Variants in JAZF1 observed in about 807,000 individuals in gnomAD.
The protein encoded by JAZF1 is juxtaposed with another zinc finger protein 1.
In JAZF1, 8 loss-of-function variants were observed where a neutral mutation model predicts 26.4. The observed-to-expected ratio is 0.30, with a 90% CI of 0.18 to 0.55. The LOEUF (loss-of-function observed/expected upper bound fraction) is 0.55. JAZF1 is among the 20% of genes least tolerant of loss of function. JAZF1 has a pLI of 0.94. For missense variants in JAZF1, 199 were observed against 322.0 expected (o/e 0.62, Z 2.92); for synonymous variants, 126 against 122.3 (o/e 1.03, Z -0.20).
intron 2 of JAZF1, among the ~76,000 whole-genome samples, chr7:27,902,192 T>C (rs1562524118): frequency 6.6e-6 from 1 of 152,246 alleles, no homozygotes; most frequent in Admixed American, 6.5e-5. Context: ...CAGACCCTAA[T>C]GGGGGTATTA....
chr7:27,955,321 A>G (rs1583479255), intron 2 of JAZF1, among the ~76,000 whole-genome samples: 1 of 152,282 alleles, frequency 6.6e-6, no homozygotes, highest in Non-Finnish European at 1.5e-5. Context: ...AATTTATATC[A>G]TTTCATTTAC....
In JAZF1 at chr7:28,097,014, G is replaced by T. The variant is rs564133716; in HGVS notation, c.115+83449C>A. 6.6e-5 allele frequency among the ~76,000 whole-genome samples: 10 copies of T among 152,164 alleles called. No individual in the cohort carries two copies. The South Asian group carries it at 1.9e-3, about 28-fold the overall frequency. ...TCCTAATGAAAAGGGCACATGTGTA[G>T]AAAGAAATGGTGCCAAATCACACCT... On this transcript the variant is annotated intron_variant, in intron 1 of 4. Coordinates refer to ENST00000283928, the MANE Select transcript of JAZF1 (RefSeq NM_175061.4).
At chr7:28,006,296 G>A (rs903255715) in intron 1 of JAZF1, among the ~76,000 whole-genome samples, 2 of 152,034 alleles carry the variant, frequency 1.3e-5, no homozygotes, top group African/African-American at 4.8e-5. Context: ...TTAAACCTGG[G>A]AAGCGGAGGT....
chr7:28,031,026 A>C (rs1041792073), intron 1 of JAZF1, among the ~76,000 whole-genome samples: 1 of 152,200 alleles, frequency 6.6e-6, no homozygotes, highest in East Asian at 1.9e-4. Context: ...CAATTACCTA[A>C]CTACCTATTC....
chr7:27,935,185 A>G (rs1784747179), intron 2 of JAZF1, among the ~76,000 whole-genome samples: 1 of 152,238 alleles, frequency 6.6e-6, no homozygotes, highest in African/African-American at 2.4e-5. Context: ...GTTATAATCA[A>G]ACAGACAATA....
intron 1 of JAZF1, among the ~76,000 whole-genome samples, chr7:28,145,333 C>T (rs1256286260): frequency 1.3e-5 from 2 of 152,122 alleles, no homozygotes; most frequent in Non-Finnish European, 2.9e-5. Flanking sequence ...GGTCATGCCT[C>T]CCAAAATACT....
chr7:27,905,720 C>T lies in JAZF1; in HGVS notation c.189-10304G>A, dbSNP rs117682139. Reference sequence around the variant, plus strand: ...TTGCCATGTATACCTTATCTAACTACCATCTATCATCACCAGCCTCTAATT... The same window carrying T: ...TTGCCATGTATACCTTATCTAACTATCATCTATCATCACCAGCCTCTAATT... On this transcript the variant is annotated intron_variant, in intron 2 of 4. Transcript: ENST00000283928. Among the ~76,000 whole-genome samples, 732 of 151,956 alleles carry T rather than the reference C, an allele frequency of 4.8e-3. 5 individuals carry two copies. The highest frequency in any genetic ancestry group is 7.2e-3 in the Non-Finnish European group (490 of 67,942).
intron 1 of JAZF1, among the ~76,000 whole-genome samples, chr7:28,100,710 A>G (rs1784459258): frequency 6.6e-6 from 1 of 152,198 alleles, no homozygotes; most frequent in South Asian, 2.1e-4. Context: ...AGGAAAAGAA[A>G]ACAGAATCAC....
At chr7:27,880,738 C>T (rs539822032) in intron 3 of JAZF1, among the ~76,000 whole-genome samples, 1 of 152,312 alleles carries the variant, frequency 6.6e-6, no homozygotes, top group East Asian at 1.9e-4. Flanking sequence ...AATCTAGGCT[C>T]ACTGCAGCCT....
chr7:28,137,898 T>C (rs769459880), intron 1 of JAZF1, among the ~76,000 whole-genome samples: 1 of 152,160 alleles, frequency 6.6e-6, no homozygotes, highest in Admixed American at 6.5e-5. Context: ...TATGGGTAGA[T>C]ACAATTAATT....
At chr7:27,968,305 C>G (rs1233062934) in intron 2 of JAZF1, among the ~76,000 whole-genome samples, 1 of 152,048 alleles carries the variant, frequency 6.6e-6, no homozygotes, top group Non-Finnish European at 1.5e-5. Context: ...ACATAATAAA[C>G]TTATTAACAG....
rs191500697 is a variant in JAZF1 at position 27,831,446 on chromosome 7, A to G, written c.*1354T>C. On this transcript the variant is annotated 3_prime_UTR_variant, in exon 5 of 5. Transcript: ENST00000283928. ...ACTGGTAAACTCTCGTGTTTAAGGA[A>G]TAGCACTTGGGAGAAAAGAACACTC... The G allele has an allele frequency of 4.4e-6, 1 of 229,136 alleles. No homozygotes were observed. Among genetic ancestry groups the G allele is most frequent in the African/African-American group, 2.2e-5 (1 of 45,202 alleles). The allele number at this position is 229,136 out of a possible 1,614,324, so 14.2% of individuals were successfully genotyped here.
chr7:27,985,591 T>A lies in JAZF1; in HGVS notation c.188+6318A>T, dbSNP rs184180332. Among the ~76,000 whole-genome samples, 1,084 of 152,314 alleles carry A rather than the reference T, an allele frequency of 7.1e-3. 18 individuals are homozygous for A. The highest frequency in any genetic ancestry group is 0.025 in the African/African-American group (1,035 of 41,558). On this transcript the variant is annotated intron_variant, in intron 2 of 4. Coordinates refer to ENST00000283928, the MANE Select transcript of JAZF1 (RefSeq NM_175061.4). ...CAATAGAAAAAGAGGGAATCCTCCC[T>A]AATTCATTTTATGAGGCCAGCATCA...
At chr7:27,848,009 T>C (rs1298873291) in intron 3 of JAZF1, among the ~76,000 whole-genome samples, 1 of 152,212 alleles carries the variant, frequency 6.6e-6, no homozygotes, top group Admixed American at 6.5e-5. Flanking sequence ...CCTCCAACTT[T>C]ACTTTTTCTT....
Position 28,173,949 on chromosome 7 carries a change from G to A in JAZF1, c.115+6514C>T, listed in dbSNP as rs114720898. Among the ~76,000 whole-genome samples, 680 of 150,680 alleles carry A rather than the reference G, an allele frequency of 4.5e-3. 5 individuals are homozygous for A. The highest frequency in any genetic ancestry group is 0.016 in the African/African-American group (654 of 41,014). ...CAACATTCCAGTGCTTACAGCGAGG[G>A]GAAAATACAATTTTCTTTACAGCAA... On this transcript the variant is annotated intron_variant, in intron 1 of 4. Coordinates refer to ENST00000283928, the MANE Select transcript of JAZF1 (RefSeq NM_175061.4).
At chr7:27,949,907 A>T (rs1041265514) in intron 2 of JAZF1, among the ~76,000 whole-genome samples, 3 of 152,226 alleles carry the variant, frequency 2.0e-5, no homozygotes, top group Admixed American at 2.0e-4. Context: ...CCTCAGACAC[A>T]GGTCAAAATT....
intron 1 of JAZF1, among the ~76,000 whole-genome samples, chr7:27,994,515 TCTA>T (rs1216994922): frequency 6.6e-6 from 1 of 151,324 alleles, no homozygotes; most frequent in Non-Finnish European, 1.5e-5. Context: ...CAGGTAGGAT[TCTA>T]CTTTTTCTAG....
At position 27,897,476 on chromosome 7, in the gene JAZF1, C is replaced by A. The variant is rs115560830; in HGVS notation, c.189-2060G>T. Among the ~76,000 whole-genome samples, 331 of 151,864 alleles carry A rather than the reference C, an allele frequency of 2.2e-3. 1 individual carries two copies. Among genetic ancestry groups the A allele is most frequent in the African/African-American group, 7.7e-3 (317 of 41,360 alleles). On this transcript the variant is annotated intron_variant, in intron 2 of 4. Coordinates refer to ENST00000283928, the MANE Select transcript of JAZF1 (RefSeq NM_175061.4). The stretch of plus-strand genomic sequence containing the variant: ...AACGTACGTCTTTTCCCTTTCTACA[C>A]GGGAGTCTGATCTTTGGCTACATTT...
chr7:27,872,485 G>A lies in JAZF1; in HGVS notation c.385+22735C>T, dbSNP rs534537849. ...CCTTCCCCTGTGCTCTGTGGCAAGGGCAGCCCACGCGGGTATACGGCTGAG... is the reference window on the plus strand; with the variant it reads ...CCTTCCCCTGTGCTCTGTGGCAAGGACAGCCCACGCGGGTATACGGCTGAG... On this transcript the variant is annotated intron_variant, in intron 3 of 4. Transcript: ENST00000283928. Among the ~76,000 whole-genome samples, 7 of 152,298 alleles carry A rather than the reference G, an allele frequency of 4.6e-5. No homozygotes were observed. In the East Asian group the frequency reaches 1.4e-3, roughly 29 times the overall value.
Sources: gnomAD v4.1 joint callset for allele counts (sites outside exome capture counted in the v4.1 genomes callset) on GRCh38, gnomAD v4.1.1 for gene constraint, MANE v1.5 for transcripts, NCBI Gene and HGNC (gene_info 2026-07-23, HGNC 2026-07-21) for gene names.